The following ADPRHL1 variants were observed in gnomAD, a reference collection of about 807,000 sequenced individuals.
ADPRHL1 encodes ADP-ribosylhydrolase like 1.
In ADPRHL1, 43 loss-of-function variants were observed where a neutral mutation model predicts 44.1. The ratio of observed to expected loss-of-function variants is 0.98; its 90% CI spans 0.76 to 1.26. The LOEUF (loss-of-function observed/expected upper bound fraction) is 1.26. Ranked by LOEUF, ADPRHL1 falls within the 50% of genes most tolerant of loss-of-function variation. The pLI is 0.00. For missense variants in ADPRHL1, 2,022 were observed against 2,496.9 expected, an observed-to-expected ratio of 0.81 and a Z score of 4.05; for synonymous variants, 878 against 1,017.4, an observed-to-expected ratio of 0.86 and a Z score of 2.61.
chr13:113,426,095 C>T (rs2043966367), intron 4 of ADPRHL1, among the ~76,000 whole-genome samples: 1 of 150,176 alleles, frequency 6.7e-6, no homozygotes, highest in Non-Finnish European at 1.5e-5. Context: ...TTCATTACTC[C>T]TAACTGAAAT....
chr13:113,417,095 G>A (rs77123304), intron 7 of ADPRHL1, among the ~76,000 whole-genome samples: 1 of 152,384 alleles, frequency 6.6e-6, no homozygotes, highest in Non-Finnish European at 1.5e-5. Flanking sequence ...TTCAAGGACC[G>A]TGACAGCACA....
Position 113,422,911 on chromosome 13 carries a change from G to A in ADPRHL1, c.976C>T (p.Pro326Ser). The stretch of plus-strand genomic sequence containing the variant: ...TCCAGGTCCTGGTACAAGCCTTTGG[G>A]AACGAGGTCCAGGCCGTACAGCAAC... ...FGLLYGLDLVPKGLYQDLEDK... is the reference protein window; with the variant it reads ...FGLLYGLDLVSKGLYQDLEDK... Residue 326 changes from proline (P) to serine (S), a missense_variant, in exon 7 of 8, where the codon CCC becomes TCC. Pro to Ser is a moderately conservative substitution (Grantham distance 74, BLOSUM62 -1). Around this residue, in one of 8 missense-constraint regions of ADPRHL1, gnomAD observed 1,221 missense variants for 1,517.8 expected, o/e 0.80. Coordinates refer to ENST00000612156, the MANE Select transcript of ADPRHL1 (RefSeq NM_001394807.1). 6.2e-7 allele frequency: 1 copy of A among 1,612,974 alleles called. No individual in the cohort carries two copies.
chr13:113,422,685 C>G, intron 7 of ADPRHL1, 141 bp downstream of exon 7: 1 of 1,033,480 alleles, frequency 9.7e-7, no homozygotes. Context: ...AAATTGGAAA[C>G]AGAGAGTTAG....
intron 7 of ADPRHL1, chr13:113,422,181 G>A (rs1490426436): frequency 6.6e-6 from 1 of 152,250 alleles, no homozygotes; most frequent in Non-Finnish European, 1.5e-5. Flanking sequence ...GAGCTGGCAG[G>A]AGGCCATTTA....
intron 7 of ADPRHL1, 181 bp downstream of exon 7, chr13:113,422,645 A>C: frequency 2.6e-6 from 2 of 767,980 alleles, no homozygotes. Flanking sequence ...CAGGACAAAC[A>C]ATGTATTTTA....
At chr13:113,448,794 C>T (rs894158800) in intron 1 of ADPRHL1, among the ~76,000 whole-genome samples, 2 of 152,248 alleles carry the variant, frequency 1.3e-5, no homozygotes, top group Admixed American at 1.3e-4. Context: ...CCCACACTGG[C>T]CTAAGTGCTT....
rs1275678293 is a variant in ADPRHL1, at chr13:113,409,842, T to A, written c.1062-1622A>T. 9 of 829,008 alleles carry A rather than the reference T, an allele frequency of 1.1e-5. No individual in the cohort carries two copies. The African/African-American group carries it at 1.9e-4, about 17-fold the overall frequency. The allele number at this position is 829,008 out of a possible 1,614,324, so 51.4% of individuals were successfully genotyped here. ...AGGCAGAGCTTGCAGTGAGCCGAGA[T>A]CGCACCACTGCACTCCAGCCTGAGC... is the stretch of plus-strand genomic sequence containing the variant. On this transcript the variant is annotated intron_variant, in intron 7 of 7. Transcript: ENST00000612156. This position sits in a 1 kb window ranked among gnomAD's most constrained non-coding sequence, Gnocchi z 4.2.
At chr13:113,434,676 C>G (rs9604108) in intron 2 of ADPRHL1, among the ~76,000 whole-genome samples, 1 of 97,368 alleles carries the variant, frequency 1.0e-5, no homozygotes, top group South Asian at 3.4e-4. Context: ...TACCCCGGGA[C>G]CCGGCACCCA....
chr13:113,426,762 G>C (rs1054767183), intron 4 of ADPRHL1, among the ~76,000 whole-genome samples: 1 of 152,250 alleles, frequency 6.6e-6, no homozygotes, highest in Non-Finnish European at 1.5e-5. Flanking sequence ...CGGGTGGAGC[G>C]TCAACATGGA....
At chr13:113,425,767 G>A (rs569020653) in intron 4 of ADPRHL1, among the ~76,000 whole-genome samples, 46 of 149,794 alleles carry the variant, frequency 3.1e-4, no homozygotes, top group African/African-American at 6.7e-4. Flanking sequence ...TGCAACCTCC[G>A]CTTCCTGGGT....
intron 2 of ADPRHL1, among the ~76,000 whole-genome samples, chr13:113,439,131 T>G (rs2044080580): frequency 2.0e-5 from 3 of 152,194 alleles, no homozygotes; most frequent in Admixed American, 2.0e-4. Context: ...TTTTTTCTTT[T>G]TTTGAGACGG....
chr13:113,401,405 GCAAGACTTCTGTGGC>G lies in ADPRHL1; in HGVS notation c.*1958_*1972del, dbSNP rs2043760569. The G allele has an allele frequency of 6.6e-6, 1 of 152,358 alleles. No homozygotes were observed. Among genetic ancestry groups the G allele is most frequent in the Admixed American group, 6.5e-5 (1 of 15,276 alleles). The allele number at this position is 152,358 out of a possible 1,614,324, so 9.4% of individuals were successfully genotyped here. A position where few individuals can be genotyped will look rare whatever the true frequency, so the allele number is the denominator to read the frequency against. On this transcript the variant is annotated 3_prime_UTR_variant, in exon 8 of 8. Coordinates refer to ENST00000612156, the MANE Select transcript of ADPRHL1 (RefSeq NM_001394807.1). The surrounding 1 kb of genome is among the most constrained non-coding windows in gnomAD (Gnocchi z 5.5). ...CTAGCAGGGGTCCAGCGGCACCACA[GCAAGACTTCTGTGGC>G]CAAGTACACGCCATGCTCAGCTCTG...
chr13:113,413,505 G>C (rs376159450), intron 7 of ADPRHL1, among the ~76,000 whole-genome samples: 1 of 152,224 alleles, frequency 6.6e-6, no homozygotes, highest in African/African-American at 2.4e-5. Flanking sequence ...CGACTCCCGC[G>C]TGGGGCTCTG....
intron 4 of ADPRHL1, among the ~76,000 whole-genome samples, chr13:113,428,419 T>G (rs150826399): frequency 1.3e-5 from 2 of 152,238 alleles, no homozygotes; most frequent in African/African-American, 4.8e-5. Context: ...CTGCCTGTGC[T>G]CCCCCTGCCG....
Position 113,404,807 on chromosome 13 carries a change from A to C in ADPRHL1, c.4475T>G (p.Val1492Gly). 8.0e-7 allele frequency: 1 copy of C among 1,251,782 alleles called. No individual in the cohort carries two copies. Among genetic ancestry groups the C allele is most frequent in the South Asian group, 3.5e-5 (1 of 28,378 alleles). The allele number at this position is 1,251,782 out of a possible 1,614,324, so 77.5% of individuals were successfully genotyped here. ...AACCTGTCCCCGGTCCCATTCCTGAACCTGTTTCTGGGCCTGTCCTTGGGC... is the reference window on the plus strand; with the variant it reads ...AACCTGTCCCCGGTCCCATTCCTGACCCTGTTTCTGGGCCTGTCCTTGGGC... ...PAAQGQAQKQ[V>G]QEWDRGQVQG... Residue 1492 changes from valine (V) to glycine (G), a missense_variant, in exon 8 of 8, where the codon GTT becomes GGT. Around this residue, in one of 8 missense-constraint regions of ADPRHL1, gnomAD observed 1,221 missense variants for 1,517.8 expected, o/e 0.80. Coordinates refer to ENST00000612156, the MANE Select transcript of ADPRHL1 (RefSeq NM_001394807.1).
chr13:113,424,370 CG>C, intron 5 of ADPRHL1, 21 bp from the exon 6 acceptor site: 1 of 1,612,268 alleles, frequency 6.2e-7, no homozygotes, highest in Non-Finnish European at 8.5e-7. Flanking sequence ...AGCCGTGGGT[CG>C]GGGCGTGTGC....
chr13:113,450,549 A>G (rs2044171236), intron 1 of ADPRHL1, among the ~76,000 whole-genome samples: 1 of 152,216 alleles, frequency 6.6e-6, no homozygotes, highest in Admixed American at 6.5e-5. Context: ...TTTATTGGAT[A>G]CAAGGCAGAA....
At chr13:113,420,599 C>A (rs2043910722) in intron 7 of ADPRHL1, among the ~76,000 whole-genome samples, 1 of 152,076 alleles carries the variant, frequency 6.6e-6, no homozygotes. Context: ...GGTGCTGGGA[C>A]CACACTCCAT....
intron 3 of ADPRHL1, among the ~76,000 whole-genome samples, chr13:113,429,562 T>A (rs1002671767): frequency 6.6e-6 from 1 of 152,236 alleles, no homozygotes; most frequent in African/African-American, 2.4e-5. Flanking sequence ...CCGTCATCTG[T>A]GTGTGGATGC....
Sources: gnomAD v4.1 joint callset for allele counts (sites outside exome capture counted in the v4.1 genomes callset) on GRCh38, gnomAD v4.1.1 for gene constraint, gnomAD v4.1.1 regional missense constraint, Gnocchi (gnomAD v3.1) non-coding constraint, MANE v1.5 for transcripts, NCBI Gene and HGNC (gene_info 2026-07-23, HGNC 2026-07-21) for gene names.